ANKS1B: variants seen among roughly 807,000 people sequenced by gnomAD.
ANKS1B encodes the protein ankyrin repeat and sterile alpha motif domain containing 1B.
Under a neutral mutation model 148.3 loss-of-function variants are expected in ANKS1B, and 36 were observed. The observed-to-expected ratio is 0.24, with a 90% CI of 0.19 to 0.32. ANKS1B has a LOEUF of 0.32. ANKS1B is among the 10% of genes least tolerant of loss of function. ANKS1B has a pLI of 1.00. For synonymous variants in ANKS1B, 542 were observed against 560.8 expected (o/e 0.97, Z 0.47); for missense variants, 1,157 against 1,542.6 (o/e 0.75, Z 4.19).
chr12:99,978,857 T>C (rs1012991801), intron 1 of ANKS1B, among the ~76,000 whole-genome samples: 1 of 152,198 alleles, frequency 6.6e-6, no homozygotes, highest in Non-Finnish European at 1.5e-5. Flanking sequence ...GTATTATTTA[T>C]TTCTGACAAG....
At chr12:99,360,430 T>C (rs1009703719) in intron 12 of ANKS1B, among the ~76,000 whole-genome samples, 7 of 152,112 alleles carry the variant, frequency 4.6e-5, no homozygotes, top group Non-Finnish European at 8.8e-5. Context: ...TAATATACTA[T>C]ACATAATTGC....
intron 17 of ANKS1B, among the ~76,000 whole-genome samples, chr12:98,916,410 G>A (rs550812749): frequency 5.8e-4 from 89 of 152,286 alleles, no homozygotes; most frequent in Non-Finnish European, 8.8e-5. Context: ...TGGTGGAGGC[G>A]GCAGTCTATC....
At chr12:99,451,601 T>C (rs1314545005) in intron 10 of ANKS1B, among the ~76,000 whole-genome samples, 1 of 152,320 alleles carries the variant, frequency 6.6e-6, no homozygotes, top group East Asian at 1.9e-4. Context: ...AAGAGTTCAG[T>C]TTGAATAAAA....
At chr12:99,238,340 G>A (rs570540253) in intron 14 of ANKS1B, among the ~76,000 whole-genome samples, 1 of 152,150 alleles carries the variant, frequency 6.6e-6, no homozygotes. Context: ...GCAGCTTGAC[G>A]GGGGGAGGGG....
At chr12:98,894,976 G>T in intron 17 of ANKS1B, 10 of 819,026 alleles carry the variant, frequency 1.2e-5, no homozygotes, top group Non-Finnish European at 1.5e-5. Flanking sequence ...CGCGGCGCGC[G>T]CCTGCCCTGG....
chr12:99,559,462 T>C (rs1302467469), intron 9 of ANKS1B, among the ~76,000 whole-genome samples: 3 of 152,196 alleles, frequency 2.0e-5, no homozygotes, highest in African/African-American at 4.8e-5. Context: ...TTTATGTACT[T>C]GACAAATTAA....
chr12:99,392,501 C>A (rs1219665508), intron 12 of ANKS1B, among the ~76,000 whole-genome samples: 1 of 152,214 alleles, frequency 6.6e-6, no homozygotes, highest in East Asian at 1.9e-4. Context: ...TTTTCTCCTG[C>A]AGGAGGTGAT....
intron 17 of ANKS1B, among the ~76,000 whole-genome samples, chr12:98,961,935 C>T (rs886747300): frequency 4.7e-5 from 7 of 150,288 alleles, no homozygotes; most frequent in Admixed American, 4.6e-4. Context: ...AAATAAAAAG[C>T]AAGACATTAA....
intron 20 of ANKS1B, among the ~76,000 whole-genome samples, chr12:98,807,461 T>C (rs1195967852): frequency 2.0e-5 from 3 of 152,094 alleles, no homozygotes. Context: ...GAAGAGTCCA[T>C]GAATATGGGG....
intron 25 of ANKS1B, among the ~76,000 whole-genome samples, chr12:98,759,902 C>T (rs763447570): frequency 5.9e-5 from 9 of 152,094 alleles, no homozygotes; most frequent in Non-Finnish European, 1.0e-4. Context: ...CTCGCTTGAG[C>T]CCAGGAGGTG....
At chr12:99,645,427 G>A (rs2098352400) in intron 9 of ANKS1B, among the ~76,000 whole-genome samples, 1 of 152,102 alleles carries the variant, frequency 6.6e-6, no homozygotes, top group African/African-American at 2.4e-5. Context: ...TTGGGAGAGA[G>A]GGGGAAAGCT....
chr12:99,975,786 A>G (rs746410405), intron 1 of ANKS1B, among the ~76,000 whole-genome samples: 1 of 152,208 alleles, frequency 6.6e-6, no homozygotes, highest in Non-Finnish European at 1.5e-5. Flanking sequence ...TGTGGAAGGT[A>G]GTACAGAGAT....
At chr12:99,858,899 T>C (rs2089619840) in intron 1 of ANKS1B, among the ~76,000 whole-genome samples, 3 of 152,036 alleles carry the variant, frequency 2.0e-5, no homozygotes. Flanking sequence ...GTGAGGGATA[T>C]AAGACTACAC....
chr12:99,497,371 G>A (rs1266327451), intron 10 of ANKS1B, among the ~76,000 whole-genome samples: 1 of 152,292 alleles, frequency 6.6e-6, no homozygotes, highest in Admixed American at 6.5e-5. Flanking sequence ...GGAACTCACA[G>A]ATACAGAGGG....
At chr12:99,259,919 C>T (rs1602161315) in intron 12 of ANKS1B, among the ~76,000 whole-genome samples, 1 of 152,314 alleles carries the variant, frequency 6.6e-6, no homozygotes, top group East Asian at 1.9e-4. Flanking sequence ...TTTCCCATAG[C>T]CTAGAGCCAG....
At position 99,063,041 on chromosome 12, in the gene ANKS1B, G is replaced by A. The variant is rs118025730; in HGVS notation, c.2626-9732C>T. 5.9e-4 allele frequency among the ~76,000 whole-genome samples: 90 copies of A among 152,150 alleles called. 1 individual carries two copies. The East Asian group carries it at 0.017, about 28-fold the overall frequency. On this transcript the variant is annotated intron_variant, in intron 16 of 26. Coordinates refer to ENST00000683438, the MANE Select transcript of ANKS1B (RefSeq NM_001352186.2). Reference sequence around the variant, plus strand: ...GGTCCTCACGTGGGCAAGAGCTGTCGCCTGTGTTGTCTTCACTCCTCAGAT... The same window carrying A: ...GGTCCTCACGTGGGCAAGAGCTGTCACCTGTGTTGTCTTCACTCCTCAGAT...
In ANKS1B at chr12:98,808,030, T is replaced by TA. The variant is rs546481905; in HGVS notation, c.3067-113dup. The stretch of plus-strand genomic sequence containing the variant: ...ATAATAAAATGCAAAGAATCACATT[T>TA]AAAAAAAACTCAAAAAATGTTTTAG... On this transcript the variant is annotated intron_variant, in intron 19 of 26. Coordinates refer to ENST00000683438, the MANE Select transcript of ANKS1B (RefSeq NM_001352186.2). 2.0e-3 allele frequency: 1,616 copies of TA among 809,754 alleles called. 19 individuals carry two copies. In the African/African-American group the frequency reaches 0.025, roughly 13 times the overall value. 50.2% of individuals were successfully genotyped at this position (809,754 alleles called of 1,614,324 possible).
chr12:99,523,784 C>A (rs1312481459), intron 9 of ANKS1B, among the ~76,000 whole-genome samples: 1 of 151,822 alleles, frequency 6.6e-6, no homozygotes, highest in Non-Finnish European at 1.5e-5. Flanking sequence ...AATCTCCTAA[C>A]CTTGTGATCC....
At chr12:99,526,789 T>C (rs2096931073) in intron 9 of ANKS1B, among the ~76,000 whole-genome samples, 1 of 152,152 alleles carries the variant, frequency 6.6e-6, no homozygotes, top group African/African-American at 2.4e-5. Flanking sequence ...TTAAACTATG[T>C]CCTCCCAAAA....
Sources: allele counts gnomAD v4.1 joint callset (sites outside exome capture counted in the v4.1 genomes callset), GRCh38; gene constraint gnomAD v4.1.1; transcripts MANE v1.5; gene names NCBI Gene and HGNC (gene_info 2026-07-23, HGNC 2026-07-21).